The following CACNA2D3 variants were observed in gnomAD, a reference collection of about 807,000 sequenced individuals.
The protein encoded by CACNA2D3 is voltage-dependent calcium channel subunit alpha-2/delta-3.
In CACNA2D3, 60 loss-of-function variants were observed where a neutral mutation model predicts 160.6. That is an observed-to-expected ratio of 0.37 (90% CI 0.30 to 0.46). The LOEUF (loss-of-function observed/expected upper bound fraction) is 0.46. Among genes scored for constraint, CACNA2D3 ranks in the 20% least tolerant of loss-of-function variants. CACNA2D3 has a pLI of 1.00. For synonymous variants in CACNA2D3, 558 were observed against 492.9 expected, an observed-to-expected ratio of 1.13 and a Z score of -1.75; for missense variants, 1,205 against 1,365.0, an observed-to-expected ratio of 0.88 and a Z score of 1.85.
chr3:54,186,746 C>A (rs1700885244), intron 2 of CACNA2D3, among the ~76,000 whole-genome samples: 1 of 151,880 alleles, frequency 6.6e-6, no homozygotes, highest in African/African-American at 2.4e-5. Flanking sequence ...AAAAAATTAA[C>A]TGAGTTAATA....
At chr3:54,756,780 A>G (rs1316813459) in intron 12 of CACNA2D3, among the ~76,000 whole-genome samples, 1 of 152,148 alleles carries the variant, frequency 6.6e-6, no homozygotes, top group Non-Finnish European at 1.5e-5. Context: ...GTTCTTAGCT[A>G]GCAGATCTCA....
intron 27 of CACNA2D3, among the ~76,000 whole-genome samples, chr3:54,923,787 G>A (rs1012699977): frequency 6.6e-6 from 1 of 152,144 alleles, no homozygotes; most frequent in Non-Finnish European, 1.5e-5. Context: ...TGTGATCTTG[G>A]GCAAGTCACT....
At chr3:54,729,829 C>G (rs971424742) in intron 11 of CACNA2D3, among the ~76,000 whole-genome samples, 10 of 151,936 alleles carry the variant, frequency 6.6e-5, no homozygotes, top group Non-Finnish European at 1.5e-4. Context: ...GAAACCCCAT[C>G]TCTACTAAAA....
At chr3:55,058,932 G>A (rs1297370345) in intron 35 of CACNA2D3, among the ~76,000 whole-genome samples, 1 of 152,064 alleles carries the variant, frequency 6.6e-6, no homozygotes, top group Non-Finnish European at 1.5e-5. Context: ...CCTCCCCGCC[G>A]CCGCTCTTTT....
chr3:54,405,988 A>G (rs1014894125), intron 4 of CACNA2D3, among the ~76,000 whole-genome samples: 2 of 152,140 alleles, frequency 1.3e-5, no homozygotes, highest in African/African-American at 4.8e-5. Context: ...ACAAATTAAA[A>G]CTGTGCAATA....
intron 4 of CACNA2D3, among the ~76,000 whole-genome samples, chr3:54,402,546 C>T (rs900174340): frequency 6.6e-6 from 1 of 152,026 alleles, no homozygotes; most frequent in Non-Finnish European, 1.5e-5. Flanking sequence ...CAAATAGGGT[C>T]ACTATTTAAT....
intron 27 of CACNA2D3, among the ~76,000 whole-genome samples, chr3:54,962,539 C>G (rs1485627651): frequency 6.6e-6 from 1 of 152,218 alleles, no homozygotes; most frequent in Admixed American, 6.5e-5. Context: ...TTTATTTACT[C>G]TCACTGATTT....
chr3:55,032,113 C>A (rs1703700689), intron 35 of CACNA2D3, among the ~76,000 whole-genome samples: 1 of 152,122 alleles, frequency 6.6e-6, no homozygotes, highest in African/African-American at 2.4e-5. Flanking sequence ...TTTTCCACTT[C>A]ATCTGCCTTT....
chr3:54,982,859 A>C lies in CACNA2D3; in HGVS notation c.2557-1749A>C, dbSNP rs114468740. 1.5e-3 allele frequency among the ~76,000 whole-genome samples: 230 copies of C among 152,196 alleles called. 1 individual carries two copies. Among genetic ancestry groups the C allele is most frequent in the African/African-American group, 5.3e-3 (221 of 41,534 alleles). On this transcript the variant is annotated intron_variant, in intron 29 of 37. Transcript: ENST00000474759. ...GGAGTATAGCAGTGAAGACGACCAG[A>C]GGTCACACTCATCGCCACTTTGGTT...
chr3:54,322,389 C>G (rs1704023523), intron 3 of CACNA2D3, among the ~76,000 whole-genome samples: 1 of 152,236 alleles, frequency 6.6e-6, no homozygotes, highest in Admixed American at 6.5e-5. Flanking sequence ...TTATTGAGTT[C>G]AGATGCACCA....
intron 5 of CACNA2D3, among the ~76,000 whole-genome samples, chr3:54,556,719 G>A (rs1206056254): frequency 6.6e-6 from 1 of 152,100 alleles, no homozygotes; most frequent in Non-Finnish European, 1.5e-5. Flanking sequence ...ACACAAACAA[G>A]GAAAATGGTT....
At chr3:55,003,845 A>G (rs1703033604) in intron 31 of CACNA2D3, among the ~76,000 whole-genome samples, 1 of 152,128 alleles carries the variant, frequency 6.6e-6, no homozygotes, top group South Asian at 2.1e-4. Flanking sequence ...TCTTTGGCAG[A>G]TCTGGCTTTT....
At chr3:54,222,261 GC>G (rs1242653990) in intron 2 of CACNA2D3, among the ~76,000 whole-genome samples, 2 of 152,174 alleles carry the variant, frequency 1.3e-5, no homozygotes, top group African/African-American at 4.8e-5. Flanking sequence ...TGAGTCTGAA[GC>G]CCCCAGAACC....
At chr3:54,682,315 T>A (rs1056407257) in intron 11 of CACNA2D3, among the ~76,000 whole-genome samples, 4 of 152,116 alleles carry the variant, frequency 2.6e-5, no homozygotes, top group Non-Finnish European at 2.9e-5. Context: ...ATTAGAACGT[T>A]GAGAATGAAA....
intron 35 of CACNA2D3, among the ~76,000 whole-genome samples, chr3:55,072,466 A>G (rs1247689410): frequency 1.3e-5 from 2 of 152,224 alleles, no homozygotes; most frequent in East Asian, 3.8e-4. Flanking sequence ...CACCATGGTG[A>G]TATACTCAAA....
At chr3:54,974,668 T>C (rs1702345567) in intron 29 of CACNA2D3, among the ~76,000 whole-genome samples, 1 of 152,224 alleles carries the variant, frequency 6.6e-6, no homozygotes, top group Non-Finnish European at 1.5e-5. Context: ...AGATGCCTTT[T>C]TTAAAACATC....
chr3:54,143,161 G>C (rs550612027), intron 2 of CACNA2D3, among the ~76,000 whole-genome samples: 4 of 152,318 alleles, frequency 2.6e-5, no homozygotes, highest in East Asian at 3.9e-4. Context: ...TTTTGTCCTA[G>C]TTGCTTTTCT....
At chr3:54,880,761 A>C in intron 20 of CACNA2D3, 35 bp from the exon 21 acceptor site, 2 of 1,570,874 alleles carry the variant, frequency 1.3e-6, no homozygotes, top group Non-Finnish European at 1.8e-6. Context: ...AGTCGATGCC[A>C]GGGATTTCAA....
intron 4 of CACNA2D3, among the ~76,000 whole-genome samples, chr3:54,456,835 T>C (rs762072699): frequency 3.9e-5 from 6 of 151,970 alleles, no homozygotes; most frequent in Non-Finnish European, 8.8e-5. Context: ...TTATAAGTTG[T>C]ATGTGTCCAG....
Sources: gnomAD v4.1 joint callset for allele counts (sites outside exome capture counted in the v4.1 genomes callset) on GRCh38, gnomAD v4.1.1 for gene constraint, MANE v1.5 for transcripts, NCBI Gene and HGNC (gene_info 2026-07-23, HGNC 2026-07-21) for gene names.